The following RALGAPA1 variants were observed in gnomAD, a reference collection of about 807,000 sequenced individuals.
The protein encoded by RALGAPA1 is Ral GTPase activating protein catalytic subunit alpha 1.
Under a neutral mutation model 269.6 loss-of-function variants are expected in RALGAPA1, and 52 were observed. The ratio of observed to expected loss-of-function variants is 0.19; its 90% CI spans 0.15 to 0.24. The LOEUF is 0.24. Among genes scored for constraint, RALGAPA1 ranks in the 10% least tolerant of loss-of-function variants. The pLI is 1.00. For missense variants in RALGAPA1, 1,917 were observed against 3,013.9 expected (o/e 0.64, Z 8.52); for synonymous variants, 817 against 1,008.3 (o/e 0.81, Z 3.60).
At chr14:35,564,875 T>C (rs2139360827) in intron 39 of RALGAPA1, among the ~76,000 whole-genome samples, 1 of 152,278 alleles carries the variant, frequency 6.6e-6, no homozygotes, top group East Asian at 1.9e-4. Flanking sequence ...CACTCTTTCC[T>C]GATCTTCTTA....
Position 35,627,150 on chromosome 14 carries a change from G to A in RALGAPA1, c.6797C>T (p.Ser2266Leu). The A allele has an allele frequency of 3.8e-6, 6 of 1,568,774 alleles. No homozygotes were observed. The highest frequency in any genetic ancestry group is 4.3e-6 in the Non-Finnish European group (5 of 1,164,108). Residue 2266 changes from serine (S) to leucine (L), a missense_variant, in exon 34 of 42, where the codon TCA becomes TTA. Ser to Leu is a moderately radical substitution (Grantham distance 145, BLOSUM62 -2). Coordinates refer to ENST00000680220, the MANE Select transcript of RALGAPA1 (RefSeq NM_001346249.2). ...AAGCAATCTGCAATAATAAAATGCT[G>A]ACTGAGGTTTTTGAGGTATTGGTTC... Reference protein sequence around the residue: ...QDEPIPQKPQSAFYYCRLLLS... With the variant: ...QDEPIPQKPQLAFYYCRLLLS...
At chr14:35,702,193 G>T (rs561049346) in intron 16 of RALGAPA1, among the ~76,000 whole-genome samples, 74 of 152,216 alleles carry the variant, frequency 4.9e-4, no homozygotes, top group African/African-American at 1.8e-3. Flanking sequence ...TATTTGAGCA[G>T]GAGTCCAGCT....
At chr14:35,667,923 G>T (rs2064082541) in intron 26 of RALGAPA1, among the ~76,000 whole-genome samples, 1 of 152,136 alleles carries the variant, frequency 6.6e-6, no homozygotes, top group Non-Finnish European at 1.5e-5. Flanking sequence ...ATCAACAAAT[G>T]AATGGATAAA....
intron 16 of RALGAPA1, among the ~76,000 whole-genome samples, chr14:35,715,464 T>G (rs1050712168): frequency 6.6e-6 from 1 of 152,206 alleles, no homozygotes; most frequent in Non-Finnish European, 1.5e-5. Context: ...AGTCTGGTTA[T>G]TTATTTATTT....
chr14:35,715,787 C>T (rs2068764859), intron 16 of RALGAPA1: 2 of 985,338 alleles, frequency 2.0e-6, no homozygotes, highest in East Asian at 2.3e-4. Context: ...TTGAAGCTTG[C>T]TCAAGTCTCA....
chr14:35,767,045 G>T, intron 4 of RALGAPA1: 2 of 350,628 alleles, frequency 5.7e-6, no homozygotes, highest in South Asian at 5.0e-5. Context: ...TCAACTTCAA[G>T]AACTTATGGA....
At chr14:35,674,975 A>G (rs553507569) in intron 22 of RALGAPA1, among the ~76,000 whole-genome samples, 4 of 152,268 alleles carry the variant, frequency 2.6e-5, no homozygotes, top group South Asian at 2.1e-4. Context: ...AGAAATTTCT[A>G]TCTATGCAGA....
At position 35,627,580 on chromosome 14, in the gene RALGAPA1, G is replaced by C; in HGVS notation, c.6367C>G (p.Pro2123Ala). 6.4e-7 allele frequency: 1 copy of C among 1,573,968 alleles called. No individual in the cohort carries two copies. The highest frequency in any genetic ancestry group is 8.6e-7 in the Non-Finnish European group (1 of 1,162,232). ...SWDSAILYGP[P>A]PVSGLSEPTS... ...GGTTCTGACAAGCCACTTACAGGAG[G>C]TGGGCCATACAGTATAGCAGAATCC... The change falls in exon 34 of 42, where the codon CCT becomes GCT. Residue 2123 changes from proline to alanine, a missense_variant. This residue lies in a region of RALGAPA1 where 346 missense variants were observed against 566.1 expected (regional missense o/e 0.61). Transcript: ENST00000680220.
At chr14:35,568,365 C>G (rs2139410369) in intron 39 of RALGAPA1, among the ~76,000 whole-genome samples, 1 of 152,172 alleles carries the variant, frequency 6.6e-6, no homozygotes, top group African/African-American at 2.4e-5. Flanking sequence ...TGAAACATTT[C>G]TGGTCTCAAG....
At chr14:35,704,835 A>T (rs1238096767) in intron 16 of RALGAPA1, among the ~76,000 whole-genome samples, 1 of 152,258 alleles carries the variant, frequency 6.6e-6, no homozygotes, top group East Asian at 1.9e-4. Flanking sequence ...ATAAAAGAGA[A>T]ATGTAAATCA....
At chr14:35,561,156 AG>A (rs1482429505) in intron 39 of RALGAPA1, among the ~76,000 whole-genome samples, 1 of 135,640 alleles carries the variant, frequency 7.4e-6, no homozygotes, top group African/African-American at 2.7e-5. Flanking sequence ...GAAACTGGAA[AG>A]TGGAGGTTGC....
At chr14:35,640,751 T>C (rs2061975331) in intron 31 of RALGAPA1, among the ~76,000 whole-genome samples, 1 of 152,116 alleles carries the variant, frequency 6.6e-6, no homozygotes, top group African/African-American at 2.4e-5. Context: ...AATATTACCC[T>C]AATATCAAAA....
At chr14:35,637,302 C>T (rs35915004) in intron 31 of RALGAPA1, among the ~76,000 whole-genome samples, 4,609 of 152,174 alleles carry the variant, frequency 0.03, 126 homozygotes, top group Non-Finnish European at 0.043. Context: ...TTTGAAGAAG[C>T]TCAATGAAAT....
intron 1 of RALGAPA1, among the ~76,000 whole-genome samples, chr14:35,802,555 C>T (rs1186990391): frequency 1.3e-5 from 2 of 151,916 alleles, no homozygotes; most frequent in Admixed American, 6.6e-5. Flanking sequence ...GGTGGAGAAA[C>T]GCCTTGTTCA....
intron 17 of RALGAPA1, among the ~76,000 whole-genome samples, chr14:35,694,344 T>C (rs907416910): frequency 1.3e-5 from 2 of 152,162 alleles, no homozygotes; most frequent in African/African-American, 4.8e-5. Context: ...TGATGCCATT[T>C]TGAAACTCAG....
chr14:35,610,789 C>A (rs977661057), intron 35 of RALGAPA1, among the ~76,000 whole-genome samples: 1 of 152,176 alleles, frequency 6.6e-6, no homozygotes, highest in East Asian at 1.9e-4. Flanking sequence ...AGCAAGGCTG[C>A]AAGATATAAG....
chr14:35,549,194 G>A lies in RALGAPA1; in HGVS notation c.7537C>T (p.His2513Tyr). Residue 2513 changes from histidine to tyrosine, a missense_variant, in exon 40 of 42, where the codon CAC (histidine) becomes TAC (tyrosine). Physicochemically the swap from His to Tyr is moderately conservative, Grantham distance 83. Coordinates refer to ENST00000680220, the MANE Select transcript of RALGAPA1 (RefSeq NM_001346249.2). ...TCAAATGTTGTTGGTTCTAAGTGGTGCTGGACAATTGTTTGCAGGTATCGT... is the reference window on the plus strand; with the variant it reads ...TCAAATGTTGTTGGTTCTAAGTGGTACTGGACAATTGTTTGCAGGTATCGT... ...RARYLQTIVQ[H>Y]HLEPTTFEDF... 2.5e-6 allele frequency: 4 copies of A among 1,612,732 alleles called. No individual in the cohort carries two copies. Among genetic ancestry groups the A allele is most frequent in the Non-Finnish European group, 3.4e-6 (4 of 1,179,116 alleles).
intron 4 of RALGAPA1, chr14:35,766,270 G>A (rs986848489): frequency 1.2e-6 from 1 of 820,616 alleles, no homozygotes; most frequent in Non-Finnish European, 2.2e-6. Flanking sequence ...ATTGTCTTGG[G>A]TGTACTGGCT....
At chr14:35,612,167 T>C (rs1158194915) in intron 35 of RALGAPA1, among the ~76,000 whole-genome samples, 2 of 149,860 alleles carry the variant, frequency 1.3e-5, no homozygotes, top group African/African-American at 4.9e-5. Flanking sequence ...AGCTCAGGAG[T>C]TCAAGACCAG....
Sources: gnomAD v4.1 joint callset for allele counts (sites outside exome capture counted in the v4.1 genomes callset) on GRCh38, gnomAD v4.1.1 for gene constraint, gnomAD v4.1.1 regional missense constraint, MANE v1.5 for transcripts, NCBI Gene and HGNC (gene_info 2026-07-23, HGNC 2026-07-21) for gene names.